WDR19: variants seen among roughly 807,000 people sequenced by gnomAD.
The protein encoded by WDR19 is WD repeat domain 19.
A neutral mutation model predicts 180.0 loss-of-function variants in WDR19; 121 were observed. The observed-to-expected ratio is 0.67, with a 90% CI of 0.58 to 0.78. WDR19 has a LOEUF of 0.78. Ranked by LOEUF, WDR19 falls within the 30% of genes least tolerant of loss-of-function variation. The pLI is 0.00. For synonymous variants in WDR19, 497 were observed against 540.7 expected, an observed-to-expected ratio of 0.92 and a Z score of 1.12; for missense variants, 1,450 against 1,640.7, an observed-to-expected ratio of 0.88 and a Z score of 2.01.
chr4:39,224,795 T>C (rs1730070883), intron 14 of WDR19, 89 bp from the exon 15 acceptor site: 1 of 1,164,900 alleles, frequency 8.6e-7, no homozygotes, highest in Admixed American at 3.1e-5. Flanking sequence ...CTCTTAAAAT[T>C]AGAACATATG....
chr4:39,194,299 G>A (rs933615132), intron 4 of WDR19, among the ~76,000 whole-genome samples: 8 of 152,104 alleles, frequency 5.3e-5, no homozygotes, highest in African/African-American at 1.9e-4. Context: ...TGAATTTTGA[G>A]GTTCCATCAT....
intron 24 of WDR19, among the ~76,000 whole-genome samples, chr4:39,247,924 C>T (rs888150646): frequency 1.3e-5 from 2 of 152,194 alleles, no homozygotes; most frequent in African/African-American, 2.4e-5. Flanking sequence ...AGTTGGAAAA[C>T]ACTCTGCAGG....
In WDR19 at chr4:39,189,560, A is replaced by G. The variant is rs1019237764; in HGVS notation, c.165-96A>G. On this transcript the variant is annotated intron_variant, in intron 3 of 36. Coordinates refer to ENST00000399820, the MANE Select transcript of WDR19 (RefSeq NM_025132.4). ...ACTTTAGAGAGTTTATTATCTGTTC[A>G]AAATAGATTGAATAATCTTGTTATA... is the stretch of plus-strand genomic sequence containing the variant. 4.2e-6 allele frequency: 5 copies of G among 1,185,610 alleles called. No individual in the cohort carries two copies. In the African/African-American group the frequency reaches 7.9e-5, roughly 19 times the overall value. 73.4% of individuals were successfully genotyped at this position (1,185,610 alleles called of 1,614,324 possible). A position where few individuals can be genotyped will look rare whatever the true frequency, so the allele number is the denominator to read the frequency against.
At chr4:39,242,330 T>C (rs1732045980) in intron 21 of WDR19, among the ~76,000 whole-genome samples, 2 of 152,086 alleles carry the variant, frequency 1.3e-5, no homozygotes, top group Non-Finnish European at 2.9e-5. Context: ...AATCGTAGTT[T>C]ACTGAAGCTT....
chr4:39,221,059 T>A (rs1048753583), intron 14 of WDR19, among the ~76,000 whole-genome samples: 1 of 151,976 alleles, frequency 6.6e-6, no homozygotes, highest in Non-Finnish European at 1.5e-5. Context: ...TTTTAAAGCA[T>A]GCTTGTTGCC....
At chr4:39,199,003 A>G (rs1403547767) in intron 5 of WDR19, among the ~76,000 whole-genome samples, 1 of 151,234 alleles carries the variant, frequency 6.6e-6, no homozygotes, top group Non-Finnish European at 1.5e-5. Flanking sequence ...GTCTCAAAAA[A>G]AAAAAAAAAA....
chr4:39,280,141 T>TTTTTTTTTTTTTTTTTTTTTTTTTA (rs368949539), intron 36 of WDR19, among the ~76,000 whole-genome samples: 1 of 88,352 alleles, frequency 1.1e-5, no homozygotes. Context: ...TTTTTTTTTT[T>TTTTTTTTTTTTTTTTTTTTTTTTTA]AATAGAGGCA....
At chr4:39,231,047 C>T (rs1437330760) in intron 17 of WDR19, among the ~76,000 whole-genome samples, 1 of 151,738 alleles carries the variant, frequency 6.6e-6, no homozygotes, top group Non-Finnish European at 1.5e-5. Context: ...GACGGTGGCT[C>T]ACACCTGTAA....
chr4:39,253,030 C>T, intron 24 of WDR19, 116 bp from the exon 25 acceptor site: 1 of 1,000,512 alleles, frequency 1.0e-6, no homozygotes. Flanking sequence ...AAAAGAAGTT[C>T]AGGAAAAATA....
chr4:39,234,629 T>C, intron 19 of WDR19, 137 bp from the exon 20 acceptor site: 1 of 671,382 alleles, frequency 1.5e-6, no homozygotes. Flanking sequence ...TATAGTAATA[T>C]ATTATCATTG....
intron 4 of WDR19, among the ~76,000 whole-genome samples, chr4:39,193,165 C>CTTTTTT (rs530738984): frequency 7.0e-6 from 1 of 142,750 alleles, no homozygotes; most frequent in East Asian, 2.0e-4. Flanking sequence ...TTTTTCTTTT[C>CTTTTTT]TTTTTTTTTT....
chr4:39,212,571 CA>C, intron 9 of WDR19, among the ~76,000 whole-genome samples: 1 of 152,188 alleles, frequency 6.6e-6, no homozygotes, highest in South Asian at 2.1e-4. Flanking sequence ...GGAGGCACAT[CA>C]CCTGAGGTCA....
chr4:39,265,073 C>T (rs1302464497), intron 28 of WDR19, among the ~76,000 whole-genome samples: 22 of 151,932 alleles, frequency 1.4e-4, no homozygotes, highest in Admixed American at 1.4e-3. Flanking sequence ...CACGCACTAC[C>T]ACACCCAGCT....
chr4:39,279,696 CTTACTT>C (rs1159889840), intron 36 of WDR19, among the ~76,000 whole-genome samples: 10 of 129,230 alleles, frequency 7.7e-5, no homozygotes, highest in East Asian at 2.3e-4. Flanking sequence ...TGCTGTCTGC[CTTACTT>C]TTTTTTTTTT....
chr4:39,183,753 A>G (rs1725222402), intron 1 of WDR19, among the ~76,000 whole-genome samples: 1 of 152,194 alleles, frequency 6.6e-6, no homozygotes, highest in Non-Finnish European at 1.5e-5. Context: ...TAAACGACTT[A>G]CTTAAAGCCC....
chr4:39,236,489 C>T (rs1190415738), intron 20 of WDR19, among the ~76,000 whole-genome samples: 3 of 152,072 alleles, frequency 2.0e-5, no homozygotes, highest in South Asian at 4.1e-4. Context: ...ACTGGAGACT[C>T]CAAAAGGTGG....
chr4:39,278,078 G>A, intron 34 of WDR19, 53 bp from the exon 35 acceptor site: 2 of 1,447,686 alleles, frequency 1.4e-6, no homozygotes, highest in Non-Finnish European at 1.9e-6. Context: ...TTGACTAACA[G>A]TGGGAGTTTT....
Position 39,214,598 on chromosome 4 carries a change from C to T in WDR19, c.891-3C>T. ...TTTTTAATAATGCATTTTTGTTTTT[C>T]AGCATTAAAATCCAAGACTTGGTTG... On this transcript the variant is annotated splice_region_variant and splice_polypyrimidine_tract_variant and intron_variant, in intron 9 of 36. Transcript: ENST00000399820. 2 of 1,522,596 alleles carry T rather than the reference C, an allele frequency of 1.3e-6. No individual in the cohort carries two copies. The highest frequency in any genetic ancestry group is 1.8e-6 in the Non-Finnish European group (2 of 1,116,614). The allele number at this position is 1,522,596 out of a possible 1,614,324, so 94.3% of individuals were successfully genotyped here.
intron 24 of WDR19, among the ~76,000 whole-genome samples, chr4:39,250,637 C>CT (rs1276040596): frequency 2.6e-5 from 4 of 152,202 alleles, no homozygotes; most frequent in Non-Finnish European, 5.9e-5. Context: ...TCTCCTTAAG[C>CT]TGATAAGCAA....
Sources: gnomAD v4.1 joint callset for allele counts (sites outside exome capture counted in the v4.1 genomes callset) on GRCh38, gnomAD v4.1.1 for gene constraint, MANE v1.5 for transcripts, NCBI Gene and HGNC (gene_info 2026-07-23, HGNC 2026-07-21) for gene names.